The following CUX2 variants were observed in gnomAD, a reference collection of about 807,000 sequenced individuals.
CUX2 encodes the protein homeobox protein cut-like 2.
A neutral mutation model predicts 144.8 loss-of-function variants in CUX2; 40 were observed. That is an observed-to-expected ratio of 0.28 (90% CI 0.21 to 0.36). CUX2 has a LOEUF of 0.36. Ranked by LOEUF, CUX2 falls within the 10% of genes least tolerant of loss-of-function variation. The pLI is 1.00. For synonymous variants in CUX2, 827 were observed against 875.6 expected (o/e 0.94, Z 0.98); for missense variants, 1,615 against 1,994.0 (o/e 0.81, Z 3.62).
rs368118448 is a variant in CUX2, at chr12:111,291,974, C to T, written c.436+422C>T. On this transcript the variant is annotated intron_variant, in intron 5 of 21. Coordinates refer to ENST00000261726, the MANE Select transcript of CUX2 (RefSeq NM_015267.4). ...GAGCTGGACATGACGCAGGTGAGGC[C>T]AGTGATGGCTGAGTGTCCACATGGG... Among the ~76,000 whole-genome samples the T allele has an allele frequency of 2.6e-5, 4 of 152,220 alleles. 1 individual carries two copies. In the South Asian group the frequency reaches 8.3e-4, roughly 32 times the overall value.
chr12:111,238,903 G>A (rs1186915090), intron 3 of CUX2, among the ~76,000 whole-genome samples: 1 of 152,160 alleles, frequency 6.6e-6, no homozygotes, highest in African/African-American at 2.4e-5. Flanking sequence ...AAATGAGTTG[G>A]GCATGGTGGT....
intron 1 of CUX2, among the ~76,000 whole-genome samples, chr12:111,084,370 G>C (rs939601450): frequency 7.9e-5 from 12 of 152,176 alleles, no homozygotes; most frequent in African/African-American, 2.9e-4. Context: ...TTTAGCAGTT[G>C]ACAACCTGTG....
At chr12:111,174,354 A>G (rs1240486848) in intron 1 of CUX2, among the ~76,000 whole-genome samples, 2 of 152,200 alleles carry the variant, frequency 1.3e-5, no homozygotes, top group Admixed American at 1.3e-4. Context: ...CCTGCTTTCC[A>G]GGAAGTTTTC....
intron 15 of CUX2, 111 bp from the exon 16 acceptor site, chr12:111,311,989 G>A: frequency 2.6e-6 from 2 of 779,616 alleles, no homozygotes; most frequent in South Asian, 3.7e-5. Context: ...TCTCACTGAT[G>A]GTCTGACCCT....
At chr12:111,342,135 C>T (rs1183039592) in intron 21 of CUX2, 82 bp downstream of exon 21, 1 of 1,483,944 alleles carries the variant, frequency 6.7e-7, no homozygotes, top group African/African-American at 1.4e-5. Flanking sequence ...TGGAGGGAGC[C>T]CCACATGGCC....
intron 16 of CUX2, among the ~76,000 whole-genome samples, chr12:111,316,728 ACGT>A (rs1346499717): frequency 6.6e-6 from 1 of 151,434 alleles, no homozygotes; most frequent in Non-Finnish European, 1.5e-5. Context: ...GGGATTACAG[ACGT>A]GAACCACCAC....
At chr12:111,184,472 C>T (rs1472659735) in intron 1 of CUX2, among the ~76,000 whole-genome samples, 1 of 143,200 alleles carries the variant, frequency 7.0e-6, no homozygotes, top group Admixed American at 7.6e-5. Flanking sequence ...CATAAAGAGG[C>T]AGAAGGATGC....
chr12:111,157,006 A>AAAAAAAAAAG (rs1877431455), intron 1 of CUX2, among the ~76,000 whole-genome samples: 1 of 150,108 alleles, frequency 6.7e-6, no homozygotes, highest in African/African-American at 2.5e-5. Context: ...AAAAAAAAAA[A>AAAAAAAAAAG]AAACAGAAAC....
At chr12:111,166,147 T>C (rs1878126427) in intron 1 of CUX2, among the ~76,000 whole-genome samples, 3 of 152,154 alleles carry the variant, frequency 2.0e-5, no homozygotes. Flanking sequence ...GCCTCCTGAG[T>C]AGCTGGGACT....
intron 1 of CUX2, among the ~76,000 whole-genome samples, chr12:111,176,209 T>C (rs1878849120): frequency 6.6e-6 from 1 of 151,604 alleles, no homozygotes; most frequent in African/African-American, 2.4e-5. Context: ...GCACCACACC[T>C]AATTTTTTTT....
At chr12:111,082,328 G>C (rs1249673943) in intron 1 of CUX2, among the ~76,000 whole-genome samples, 1 of 152,170 alleles carries the variant, frequency 6.6e-6, no homozygotes, top group Non-Finnish European at 1.5e-5. Flanking sequence ...TATGATATTT[G>C]TAAAGGAATT....
chr12:111,137,688 A>T (rs971950811), intron 1 of CUX2, among the ~76,000 whole-genome samples: 2 of 151,620 alleles, frequency 1.3e-5, no homozygotes, highest in Non-Finnish European at 2.9e-5. Context: ...TAATTTTTAA[A>T]TTTTTTCATA....
chr12:111,338,434 C>G lies in CUX2; in HGVS notation c.3345C>G (p.Asn1115Lys). ...AGCTGTGGCTCAATGACCCCCATAA[C>G]GTGGAGAAGCTGAGGGATATGAAGA... ...RMQLWLNDPHNVEKLRDMKKL... is the reference protein window; with the variant it reads ...RMQLWLNDPHKVEKLRDMKKL... The change falls in exon 20 of 22, where the codon AAC becomes AAG. Residue 1115 changes from asparagine (N) to lysine (K), a missense_variant. By Grantham distance (94) the Asn-to-Lys change is moderately conservative (BLOSUM62 0). This residue lies in a region of CUX2 where 131 missense variants were observed against 223.1 expected (regional missense o/e 0.59). Coordinates refer to ENST00000261726, the MANE Select transcript of CUX2 (RefSeq NM_015267.4). 2 of 1,613,862 alleles carry G rather than the reference C, an allele frequency of 1.2e-6. No homozygotes were observed. The highest frequency in any genetic ancestry group is 3.3e-5 in the Admixed American group (2 of 59,996).
chr12:111,315,682 G>A (rs1039192040), intron 16 of CUX2, among the ~76,000 whole-genome samples: 2 of 152,002 alleles, frequency 1.3e-5, no homozygotes, highest in African/African-American at 4.8e-5. Context: ...TCGCGCCATT[G>A]CACTCCAGCC....
intron 1 of CUX2, among the ~76,000 whole-genome samples, chr12:111,045,606 A>G (rs1869958389): frequency 1.3e-5 from 2 of 152,202 alleles, no homozygotes; most frequent in South Asian, 2.1e-4. Context: ...AGCAATTGTT[A>G]TTATTATCTT....
At chr12:111,314,216 G>A (rs1887054938) in intron 16 of CUX2, among the ~76,000 whole-genome samples, 2 of 152,224 alleles carry the variant, frequency 1.3e-5, no homozygotes, top group African/African-American at 4.8e-5. Context: ...TCTAGACACA[G>A]ATTTCAGATA....
chr12:111,319,572 A>G (rs1183867208), intron 16 of CUX2, among the ~76,000 whole-genome samples: 1 of 152,146 alleles, frequency 6.6e-6, no homozygotes. Flanking sequence ...CCCTGTCTCT[A>G]CTAAAGCTAA....
intron 18 of CUX2, among the ~76,000 whole-genome samples, chr12:111,330,714 T>TATATACACATATAC (rs1888065330): frequency 2.7e-5 from 1 of 36,482 alleles, no homozygotes; most frequent in African/African-American, 1.6e-4. Flanking sequence ...TATATATATA[T>TATATACACATATAC]ATATATATAT....
At chr12:111,266,056 G>A (rs1363421523) in intron 4 of CUX2, among the ~76,000 whole-genome samples, 1 of 152,138 alleles carries the variant, frequency 6.6e-6, no homozygotes, top group Non-Finnish European at 1.5e-5. Context: ...CAAAATTTAT[G>A]TCTACGTAGA....
Sources: gnomAD v4.1 joint callset for allele counts (sites outside exome capture counted in the v4.1 genomes callset) on GRCh38, gnomAD v4.1.1 for gene constraint, gnomAD v4.1.1 regional missense constraint, MANE v1.5 for transcripts, NCBI Gene and HGNC (gene_info 2026-07-23, HGNC 2026-07-21) for gene names.